The following PHF2 variants were observed in gnomAD, a reference collection of about 807,000 sequenced individuals.
PHF2 encodes the protein lysine-specific demethylase PHF2.
In PHF2, 27 loss-of-function variants were observed where a neutral mutation model predicts 120.5. The observed-to-expected ratio is 0.22, with a 90% CI of 0.17 to 0.31. The LOEUF is 0.31. PHF2 is among the 10% of genes least tolerant of loss of function. The probability of loss-of-function intolerance (pLI) is 1.00; values close to 1 mark genes in which losing one functional copy is unlikely to be tolerated. For synonymous variants in PHF2, 568 were observed against 592.5 expected, an observed-to-expected ratio of 0.96 and a Z score of 0.60; for missense variants, 1,024 against 1,434.8, an observed-to-expected ratio of 0.71 and a Z score of 4.63.
At chr9:93,665,058 G>A (rs10992838) in intron 14 of PHF2, among the ~76,000 whole-genome samples, 3,477 of 152,316 alleles carry the variant, frequency 0.023, 76 homozygotes, top group East Asian at 0.1. Context: ...GGCAAAGGCT[G>A]GAGCTGCTTG....
intron 3 of PHF2, among the ~76,000 whole-genome samples, chr9:93,643,598 C>T (rs1034013686): frequency 1.6e-4 from 24 of 152,290 alleles, no homozygotes; most frequent in Admixed American, 5.2e-4. Flanking sequence ...GAAGTCTTGT[C>T]CTTTGTTGGG....
intron 1 of PHF2, among the ~76,000 whole-genome samples, chr9:93,587,278 GGAGGAGCCCTGGGTGAGGGATGACA>G (rs1863065474): frequency 1.6e-4 from 23 of 145,396 alleles, no homozygotes; most frequent in African/African-American, 3.0e-4. Context: ...GAGGGATGAC[GGAGGAGCCCTGGGTGAGGGATGACA>G]GAGGAGCCCT....
At position 93,657,874 on chromosome 9, in the gene PHF2, A is replaced by G. The variant is rs529476450; in HGVS notation, c.1148-271A>G. ...GGCTGGGGTATTGGGCAGAGTGAGG[A>G]GAGCAAGGCAGCCTGTGTTAGGGGC... On this transcript the variant is annotated intron_variant, in intron 9 of 21. Coordinates refer to ENST00000359246, the MANE Select transcript of PHF2 (RefSeq NM_005392.4). Among the ~76,000 whole-genome samples the G allele has an allele frequency of 2.6e-5, 4 of 152,194 alleles. No homozygotes were observed. In the South Asian group the frequency reaches 8.3e-4, roughly 32 times the overall value.
At chr9:93,582,367 A>G (rs967689649) in intron 1 of PHF2, among the ~76,000 whole-genome samples, 1 of 152,216 alleles carries the variant, frequency 6.6e-6, no homozygotes, top group South Asian at 2.1e-4. Flanking sequence ...GGAAGGCCAC[A>G]TACTGAGCTA....
chr9:93,645,129 T>G (rs1826233060), intron 3 of PHF2, among the ~76,000 whole-genome samples: 1 of 152,200 alleles, frequency 6.6e-6, no homozygotes, highest in South Asian at 2.1e-4. Flanking sequence ...TCCACATGGC[T>G]TTGTCCAAGG....
intron 1 of PHF2, among the ~76,000 whole-genome samples, chr9:93,596,925 ATTT>A (rs1158735768): frequency 3.0e-3 from 264 of 88,498 alleles, no homozygotes; most frequent in African/African-American, 9.4e-3. Flanking sequence ...CGCCCAGCTA[ATTT>A]TTTTTTTTTT....
At chr9:93,651,390 G>T (rs1056855352) in intron 5 of PHF2, among the ~76,000 whole-genome samples, 1 of 152,164 alleles carries the variant, frequency 6.6e-6, no homozygotes. Flanking sequence ...GTTTCCACTG[G>T]CCCAGTCCGT....
At chr9:93,675,880 C>T in intron 20 of PHF2, 91 bp downstream of exon 20, 5 of 905,412 alleles carry the variant, frequency 5.5e-6, no homozygotes, top group South Asian at 2.9e-5. Flanking sequence ...GTTTCTCCAC[C>T]CCATACACAG....
chr9:93,619,761 C>T (rs1272764655), intron 1 of PHF2, among the ~76,000 whole-genome samples: 2 of 152,206 alleles, frequency 1.3e-5, no homozygotes, highest in Admixed American at 6.5e-5. Flanking sequence ...CTTCTGTTGT[C>T]GCAGGAAGAA....
In PHF2 at chr9:93,676,655, C is replaced by G. The variant is rs1826917032; in HGVS notation, c.2894C>G (p.Ser965Cys). 6.2e-7 allele frequency: 1 copy of G among 1,603,178 alleles called. No individual in the cohort carries two copies. The highest frequency in any genetic ancestry group is 1.3e-5 in the African/African-American group (1 of 74,774). The part of the protein sequence containing the change: ...AKRKLTPNTT[S>C]PSTSTSISAG... Reference sequence around the variant, plus strand: ...AGGAAGCTGACTCCTAACACCACCTCCCCTTCCACCTCCACCTCCATCTCT... The same window carrying G: ...AGGAAGCTGACTCCTAACACCACCTGCCCTTCCACCTCCACCTCCATCTCT... Residue 965 changes from serine (S) to cysteine (C), a missense_variant, in exon 21 of 22, where the codon TCC (serine) becomes TGC (cysteine). By Grantham distance (112) the Ser-to-Cys change is moderately radical. Coordinates refer to ENST00000359246, the MANE Select transcript of PHF2 (RefSeq NM_005392.4).
At chr9:93,602,889 A>G (rs182593590) in intron 1 of PHF2, among the ~76,000 whole-genome samples, 1,563 of 152,290 alleles carry the variant, frequency 0.01, 19 homozygotes, top group Non-Finnish European at 0.011. Flanking sequence ...TGAGGCCTGC[A>G]TGAAGAATGG....
At chr9:93,611,972 A>G (rs568391489) in intron 1 of PHF2, among the ~76,000 whole-genome samples, 10 of 152,302 alleles carry the variant, frequency 6.6e-5, no homozygotes, top group African/African-American at 9.6e-5. Context: ...GGCCACTGCA[A>G]TCAAGGGCCT....
intron 2 of PHF2, among the ~76,000 whole-genome samples, chr9:93,632,780 A>G (rs990602334): frequency 2.6e-5 from 4 of 152,184 alleles, no homozygotes; most frequent in Non-Finnish European, 4.4e-5. Flanking sequence ...GTGTGCATGC[A>G]CACATCTGTG....
intron 1 of PHF2, among the ~76,000 whole-genome samples, chr9:93,598,997 C>T (rs991033532): frequency 2.6e-5 from 4 of 152,168 alleles, no homozygotes; most frequent in Non-Finnish European, 4.4e-5. Flanking sequence ...TTGTACTGTG[C>T]GTGCCTCTCA....
chr9:93,596,722 A>G (rs1431125701), intron 1 of PHF2, among the ~76,000 whole-genome samples: 1 of 146,868 alleles, frequency 6.8e-6, no homozygotes, highest in Non-Finnish European at 1.5e-5. Flanking sequence ...GGCAAATTGC[A>G]CCTTCATGCC....
chr9:93,598,290 C>A (rs150681850), intron 1 of PHF2, among the ~76,000 whole-genome samples: 3 of 152,194 alleles, frequency 2.0e-5, no homozygotes, highest in African/African-American at 7.2e-5. Flanking sequence ...AGCATTTAAT[C>A]GCGATTCACT....
intron 5 of PHF2, 60 bp from the exon 6 acceptor site, chr9:93,653,119 G>T (rs1309330094): frequency 6.0e-6 from 9 of 1,497,822 alleles, no homozygotes; most frequent in Non-Finnish European, 6.5e-6. Context: ...GTTTCCCACT[G>T]CAGGGGAAAT....
intron 12 of PHF2, 114 bp downstream of exon 12, chr9:93,660,674 C>A: frequency 9.7e-7 from 1 of 1,033,854 alleles, no homozygotes; most frequent in Non-Finnish European, 1.3e-6. Context: ...CCCAGGGGCC[C>A]CTGAGAAGAT....
rs755672041 is a variant in PHF2 at position 93,676,918 on chromosome 9, A to G, written c.3157A>G (p.Arg1053Gly). 8.9e-6 allele frequency: 14 copies of G among 1,577,012 alleles called. No homozygotes were observed. The highest frequency in any genetic ancestry group is 1.2e-5 in the Non-Finnish European group (14 of 1,159,736). ...GGCCCCTGGGGTCTTTCTCACACAG[A>G]GGCGGCCCTCCGCATCGTCTCCAAA... The part of the protein sequence containing the change: ...PMAPGVFLTQ[R>G]RPSASSPNNN... The change falls in exon 21 of 22, where the codon AGG becomes GGG. Residue 1053 changes from arginine to glycine, a missense_variant. Transcript: ENST00000359246.
Sources: allele counts gnomAD v4.1 joint callset (sites outside exome capture counted in the v4.1 genomes callset), GRCh38; gene constraint gnomAD v4.1.1; transcripts MANE v1.5; gene names NCBI Gene and HGNC (gene_info 2026-07-23, HGNC 2026-07-21).